R3HCC1L: variants seen among roughly 807,000 people sequenced by gnomAD.
R3HCC1L encodes the protein R3H domain and coiled-coil containing 1 like.
R3HCC1L carries 51 observed loss-of-function variants against 59.9 expected under a neutral mutation model. That is an observed-to-expected ratio of 0.85 (90% confidence interval 0.68 to 1.07). The LOEUF is 1.07. Ranked by LOEUF, R3HCC1L falls within the 50% of genes least tolerant of loss-of-function variation. The pLI is 0.00. For missense variants in R3HCC1L, 965 were observed against 933.0 expected, an observed-to-expected ratio of 1.03 and a Z score of -0.45; for synonymous variants, 322 against 315.2, an observed-to-expected ratio of 1.02 and a Z score of -0.23.
At chr10:98,197,831 C>T (rs145667946) in intron 4 of R3HCC1L, among the ~76,000 whole-genome samples, 23 of 152,102 alleles carry the variant, frequency 1.5e-4, no homozygotes, top group African/African-American at 5.3e-4. Flanking sequence ...ACAGGAAGGA[C>T]CTTAGACTAT....
intron 5 of R3HCC1L, among the ~76,000 whole-genome samples, chr10:98,230,545 T>G (rs570237451): frequency 1.3e-5 from 2 of 152,312 alleles, no homozygotes; most frequent in Admixed American, 6.5e-5. Flanking sequence ...TTCATTGATT[T>G]TTTTGAAGGG....
intron 4 of R3HCC1L, chr10:98,174,387 C>G (rs945684244): frequency 1.3e-5 from 6 of 465,862 alleles, no homozygotes; most frequent in African/African-American, 1.3e-4. Context: ...AGTATAAGAT[C>G]TAAAGTAATT....
At chr10:98,229,724 A>C (rs933792010) in intron 5 of R3HCC1L, among the ~76,000 whole-genome samples, 2 of 152,244 alleles carry the variant, frequency 1.3e-5, no homozygotes, top group African/African-American at 2.4e-5. Context: ...GGTTTGTCAT[A>C]AATGGCTCTT....
At chr10:98,229,971 C>G (rs1417606328) in intron 5 of R3HCC1L, among the ~76,000 whole-genome samples, 8 of 152,072 alleles carry the variant, frequency 5.3e-5, no homozygotes, top group South Asian at 4.2e-4. Context: ...TGTGCTGCTG[C>G]ATTCGGTTTG....
At chr10:98,174,402 A>G (rs746047875) in intron 4 of R3HCC1L, 1 of 504,132 alleles carries the variant, frequency 2.0e-6, no homozygotes, top group Non-Finnish European at 2.6e-6. Flanking sequence ...GTAATTTAAA[A>G]TCAGTTCTTA....
intron 4 of R3HCC1L, among the ~76,000 whole-genome samples, chr10:98,207,275 A>G (rs554950245): frequency 1.3e-5 from 2 of 152,348 alleles, no homozygotes; most frequent in South Asian, 4.1e-4. Flanking sequence ...ATAATTCAAT[A>G]TGAAATTCCC....
chr10:98,208,619 G>T lies in R3HCC1L; in HGVS notation c.505G>T (p.Glu169Ter). Residue 169 changes from glutamate (E) to a stop codon, truncating the protein, a stop_gained, in exon 5 of 10, where the codon GAA becomes TAA. Coordinates refer to ENST00000298999, the MANE Select transcript of R3HCC1L (RefSeq NM_001351015.2). LOFTEE classifies it high-confidence loss of function. ...GATACTTCTTTCACAGGCCTGTTTAGAAATCAGCGAGGCTCAAGTTCCAAG... is the reference window on the plus strand; with the variant it reads ...GATACTTCTTTCACAGGCCTGTTTATAAATCAGCGAGGCTCAAGTTCCAAG... ...ERILLSQACL[E>*]ISEAQVPSKP... 6.2e-7 allele frequency: 1 copy of T among 1,614,096 alleles called. No individual in the cohort carries two copies. The highest frequency in any genetic ancestry group is 8.5e-7 in the Non-Finnish European group (1 of 1,180,014).
intron 4 of R3HCC1L, among the ~76,000 whole-genome samples, chr10:98,191,493 T>C (rs539683015): frequency 3.2e-4 from 49 of 152,354 alleles, no homozygotes; most frequent in African/African-American, 1.1e-3. Flanking sequence ...CCGCTTTTGA[T>C]GGGGCTGTTT....
chr10:98,227,705 A>G (rs762615147), intron 5 of R3HCC1L, among the ~76,000 whole-genome samples: 1 of 151,822 alleles, frequency 6.6e-6, no homozygotes, highest in Non-Finnish European at 1.5e-5. Flanking sequence ...TACATTAGGT[A>G]TATCTCCTAA....
intron 4 of R3HCC1L, among the ~76,000 whole-genome samples, chr10:98,168,880 G>A (rs1848218481): frequency 6.6e-6 from 1 of 152,188 alleles, no homozygotes. Context: ...CTCTGGAGAA[G>A]GAAAGTAGAG....
chr10:98,215,397 G>C (rs996771484), intron 5 of R3HCC1L, among the ~76,000 whole-genome samples: 2 of 144,920 alleles, frequency 1.4e-5, no homozygotes, highest in African/African-American at 5.1e-5. Context: ...CTCCTAATTA[G>C]ACATAAATTT....
At chr10:98,167,376 C>T (rs187168587) in intron 4 of R3HCC1L, among the ~76,000 whole-genome samples, 1 of 152,200 alleles carries the variant, frequency 6.6e-6, no homozygotes, top group Non-Finnish European at 1.5e-5. Context: ...CAGTTTCTCA[C>T]CAGGCACATT....
At chr10:98,226,737 C>G (rs1209174810) in intron 5 of R3HCC1L, among the ~76,000 whole-genome samples, 1 of 152,240 alleles carries the variant, frequency 6.6e-6, no homozygotes, top group Non-Finnish European at 1.5e-5. Flanking sequence ...ATTGCAGACT[C>G]CTTTTGTCCC....
chr10:98,191,855 C>T (rs1231726982), intron 4 of R3HCC1L, among the ~76,000 whole-genome samples: 2 of 152,286 alleles, frequency 1.3e-5, no homozygotes, highest in East Asian at 1.9e-4. Flanking sequence ...GATGGAGTCT[C>T]ACTCTGTTGC....
At chr10:98,156,691 G>T (rs73323849) in intron 2 of R3HCC1L, among the ~76,000 whole-genome samples, 1 of 152,124 alleles carries the variant, frequency 6.6e-6, no homozygotes, top group Admixed American at 6.5e-5. Flanking sequence ...GGGTGAGACC[G>T]TTGTTGATTG....
chr10:98,235,875 C>T (rs1468974633), intron 8 of R3HCC1L, 149 bp from the exon 9 acceptor site: 2 of 934,808 alleles, frequency 2.1e-6, no homozygotes, highest in East Asian at 2.6e-5. Flanking sequence ...TTAATTTCCT[C>T]TGATCATCAT....
intron 4 of R3HCC1L, among the ~76,000 whole-genome samples, chr10:98,171,893 G>A (rs953606920): frequency 1.3e-5 from 2 of 152,164 alleles, no homozygotes; most frequent in East Asian, 1.9e-4. Context: ...GAATGTGATA[G>A]AGCAAATGGA....
At chr10:98,155,006 T>C (rs368398546) in intron 1 of R3HCC1L, among the ~76,000 whole-genome samples, 2 of 152,356 alleles carry the variant, frequency 1.3e-5, no homozygotes, top group East Asian at 1.9e-4. Context: ...TGGCCAAAAT[T>C]ATTTCATGTG....
chr10:98,185,314 C>T (rs1370877583), intron 4 of R3HCC1L, among the ~76,000 whole-genome samples: 1 of 152,114 alleles, frequency 6.6e-6, no homozygotes, highest in East Asian at 1.9e-4. Context: ...CTTAATAATA[C>T]TTTCTCTAAT....
Sources: gnomAD v4.1 joint callset for allele counts (sites outside exome capture counted in the v4.1 genomes callset) on GRCh38, gnomAD v4.1.1 for gene constraint, MANE v1.5 for transcripts, NCBI Gene and HGNC (gene_info 2026-07-23, HGNC 2026-07-21) for gene names.